ADGRL3: variants seen among roughly 807,000 people sequenced by gnomAD.
The protein encoded by ADGRL3 is adhesion G protein-coupled receptor L3.
In ADGRL3, 62 loss-of-function variants were observed where a neutral mutation model predicts 153.5. That is an observed-to-expected ratio of 0.40 (90% confidence interval 0.33 to 0.50). The LOEUF is 0.50. Among genes scored for constraint, ADGRL3 ranks in the 20% least tolerant of loss-of-function variants. ADGRL3 has a pLI of 0.47. For synonymous variants in ADGRL3, 710 were observed against 672.5 expected (o/e 1.06, Z -0.86); for missense variants, 1,641 against 1,859.4 (o/e 0.88, Z 2.16).
At chr4:61,268,769 T>A (rs2149739820) in intron 1 of ADGRL3, among the ~76,000 whole-genome samples, 1 of 151,778 alleles carries the variant, frequency 6.6e-6, no homozygotes, top group Non-Finnish European at 1.5e-5. Context: ...TTGAGCAAGA[T>A]AATTTCTTGA....
chr4:61,219,979 G>A (rs1306075023), intron 1 of ADGRL3, among the ~76,000 whole-genome samples: 2 of 151,916 alleles, frequency 1.3e-5, no homozygotes, highest in Non-Finnish European at 2.9e-5. Flanking sequence ...GTGGTGGCGG[G>A]CGCCTGTAAC....
chr4:61,696,639 G>A (rs2095647110), intron 6 of ADGRL3, among the ~76,000 whole-genome samples: 1 of 143,266 alleles, frequency 7.0e-6, no homozygotes, highest in Non-Finnish European at 1.5e-5. Flanking sequence ...TATGATAGGT[G>A]ATACATTCCC....
intron 1 of ADGRL3, among the ~76,000 whole-genome samples, chr4:61,308,687 G>C (rs926570462): frequency 1.4e-4 from 21 of 152,188 alleles, no homozygotes; most frequent in Non-Finnish European, 2.1e-4. Context: ...TGTTGAAAAT[G>C]AGAGATTAAT....
chr4:61,282,784 T>G (rs2093777875), intron 1 of ADGRL3, among the ~76,000 whole-genome samples: 1 of 152,060 alleles, frequency 6.6e-6, no homozygotes, highest in Non-Finnish European at 1.5e-5. Context: ...AAACCTCATA[T>G]TTCACAGTTC....
intron 5 of ADGRL3, among the ~76,000 whole-genome samples, chr4:61,634,096 A>G (rs2093310963): frequency 6.6e-6 from 1 of 152,170 alleles, no homozygotes; most frequent in African/African-American, 2.4e-5. Flanking sequence ...GTTTTGACAC[A>G]CATACTTCGA....
intron 2 of ADGRL3, among the ~76,000 whole-genome samples, chr4:61,411,248 G>A (rs1413008492): frequency 6.6e-6 from 1 of 151,704 alleles, no homozygotes; most frequent in African/African-American, 2.4e-5. Flanking sequence ...TTTTTTTTCT[G>A]GAATAGTTTG....
At chr4:61,690,138 T>C (rs1008849879) in intron 6 of ADGRL3, among the ~76,000 whole-genome samples, 1 of 152,160 alleles carries the variant, frequency 6.6e-6, no homozygotes, top group African/African-American at 2.4e-5. Flanking sequence ...AGAAACTTCA[T>C]AGATACCAAA....
chr4:61,386,286 T>C (rs2096735381), intron 2 of ADGRL3, among the ~76,000 whole-genome samples: 1 of 152,136 alleles, frequency 6.6e-6, no homozygotes, highest in Non-Finnish European at 1.5e-5. Flanking sequence ...TTTCATTATA[T>C]AACATAAACA....
intron 10 of ADGRL3, among the ~76,000 whole-genome samples, chr4:61,894,125 G>A (rs2098609252): frequency 2.0e-5 from 3 of 152,018 alleles, no homozygotes; most frequent in Admixed American, 6.5e-5. Context: ...ACGTACATTG[G>A]TATTCATAAA....
chr4:61,246,627 T>G (rs1757202652), intron 1 of ADGRL3, among the ~76,000 whole-genome samples: 1 of 151,930 alleles, frequency 6.6e-6, no homozygotes, highest in Admixed American at 6.6e-5. Flanking sequence ...TTTGTTACAT[T>G]ATAATTTTAA....
intron 1 of ADGRL3, among the ~76,000 whole-genome samples, chr4:61,256,451 T>C (rs2091976581): frequency 6.6e-6 from 1 of 152,206 alleles, no homozygotes; most frequent in African/African-American, 2.4e-5. Flanking sequence ...TGAGTTTTTT[T>C]CTGAACTGGT....
intron 24 of ADGRL3, among the ~76,000 whole-genome samples, chr4:62,041,425 CTTT>C (rs1417936406): frequency 6.6e-6 from 1 of 151,634 alleles, no homozygotes; most frequent in Admixed American, 6.6e-5. Flanking sequence ...GATATATTTG[CTTT>C]TTATTATATA....
Position 62,061,017 on chromosome 4 carries a change from T to G in ADGRL3, c.3815-7149T>G, listed in dbSNP as rs1384609769. ...TGAATGAACTGGTGCCTTCCAACTC[T>G]AGAGATCTGACAAGTGATAATGTCC... is the stretch of plus-strand genomic sequence containing the variant. On this transcript the variant is annotated intron_variant, in intron 25 of 26. Coordinates refer to ENST00000683033, the MANE Select transcript of ADGRL3 (RefSeq NM_001387552.1). Among the ~76,000 whole-genome samples the G allele has an allele frequency of 2.6e-5, 4 of 151,956 alleles. No individual in the cohort carries two copies. The East Asian group carries it at 7.7e-4, about 29-fold the overall frequency.
intron 13 of ADGRL3, among the ~76,000 whole-genome samples, chr4:61,918,390 C>A (rs1485539683): frequency 6.6e-6 from 1 of 152,134 alleles, no homozygotes; most frequent in Non-Finnish European, 1.5e-5. Context: ...AATATACAAG[C>A]ATGGTGTTCA....
intron 5 of ADGRL3, among the ~76,000 whole-genome samples, chr4:61,655,200 C>T (rs917707483): frequency 3.2e-4 from 48 of 152,098 alleles, no homozygotes; most frequent in Admixed American, 2.0e-3. Flanking sequence ...ATCTACACTA[C>T]GTAGATGAGT....
chr4:61,931,240 G>A (rs1457665769), intron 13 of ADGRL3, among the ~76,000 whole-genome samples: 2 of 152,146 alleles, frequency 1.3e-5, no homozygotes, highest in African/African-American at 2.4e-5. Flanking sequence ...GGCTTCTGTA[G>A]TTGTGTAAGA....
chr4:61,603,869 T>C (rs545276091), intron 5 of ADGRL3, among the ~76,000 whole-genome samples: 19 of 152,156 alleles, frequency 1.2e-4, no homozygotes, highest in Admixed American at 2.0e-4. Flanking sequence ...AAAACCCAAG[T>C]CAATCAAAGG....
At chr4:61,542,511 G>C (rs2098695015) in intron 4 of ADGRL3, among the ~76,000 whole-genome samples, 1 of 152,032 alleles carries the variant, frequency 6.6e-6, no homozygotes, top group African/African-American at 2.4e-5. Context: ...CACTATGAAG[G>C]CTTGCATGTA....
At chr4:61,936,073 G>C (rs752471260) in intron 15 of ADGRL3, 28 bp downstream of exon 15, 1 of 1,606,324 alleles carries the variant, frequency 6.2e-7, no homozygotes, top group Non-Finnish European at 8.5e-7. Context: ...TTTTAAGCTT[G>C]AGGGAATTGA....
Sources: gnomAD v4.1 joint callset for allele counts (sites outside exome capture counted in the v4.1 genomes callset) on GRCh38, gnomAD v4.1.1 for gene constraint, MANE v1.5 for transcripts, NCBI Gene and HGNC (gene_info 2026-07-23, HGNC 2026-07-21) for gene names.